IL22RA2: variants seen among roughly 807,000 people sequenced by gnomAD.
IL22RA2 encodes interleukin 22 receptor subunit alpha 2, also known as interleukin-22 receptor subunit alpha-2.
A neutral mutation model predicts 30.7 loss-of-function variants in IL22RA2; 39 were observed. The ratio of observed to expected loss-of-function variants is 1.27; its 90% confidence interval spans 0.98 to 1.66. IL22RA2 has a LOEUF of 1.66. Among genes scored for constraint, IL22RA2 ranks in the 40% most tolerant of loss-of-function variants. The pLI is 0.00. For missense variants in IL22RA2, 315 were observed against 312.7 expected (o/e 1.01, Z -0.05); for synonymous variants, 103 against 105.0 (o/e 0.98, Z 0.11).
At chr6:137,155,920 T>C (rs1354810952) in intron 4 of IL22RA2, among the ~76,000 whole-genome samples, 3 of 152,210 alleles carry the variant, frequency 2.0e-5, no homozygotes, top group African/African-American at 7.2e-5. Context: ...TGGCTGTTTG[T>C]GGTTTTTCTC....
At chr6:137,148,039 A>G in intron 5 of IL22RA2, 148 bp from the exon 6 acceptor site, 1 of 655,884 alleles carries the variant, frequency 1.5e-6, no homozygotes, top group Non-Finnish European at 2.6e-6. Flanking sequence ...ATGCCACTGC[A>G]CTATAGCTTG....
At chr6:137,153,392 A>G (rs79376102) in intron 5 of IL22RA2, among the ~76,000 whole-genome samples, 50 of 152,256 alleles carry the variant, frequency 3.3e-4, no homozygotes, top group Non-Finnish European at 6.0e-4. Context: ...CAATTGGTAA[A>G]TGCTTCACTA....
At chr6:137,155,270 C>A in intron 4 of IL22RA2, 151 bp from the exon 5 acceptor site, 1 of 550,680 alleles carries the variant, frequency 1.8e-6, no homozygotes, top group Non-Finnish European at 3.1e-6. Context: ...AAAAAAATTC[C>A]TTCTTATTAA....
In IL22RA2 at chr6:137,156,740, A is replaced by G. The variant is rs1049216319; in HGVS notation, c.293+19T>C. The G allele has an allele frequency of 6.2e-7, 1 of 1,607,594 alleles. No homozygotes were observed. Among genetic ancestry groups the G allele is most frequent in the African/African-American group, 1.3e-5 (1 of 74,860 alleles). ...CAGAACACCTGAGGCTAGGTAATTG[A>G]TAAGGAAAAGAGGTGTACTTAGCCA... On this transcript the variant is annotated intron_variant, in intron 4 of 6. Transcript: ENST00000296980.
At chr6:137,152,027 C>G (rs1300205564) in intron 5 of IL22RA2, among the ~76,000 whole-genome samples, 1 of 152,082 alleles carries the variant, frequency 6.6e-6, no homozygotes, top group Non-Finnish European at 1.5e-5. Flanking sequence ...CAATTCCACT[C>G]CTATGTATAT....
intron 1 of IL22RA2, among the ~76,000 whole-genome samples, chr6:137,171,201 AG>A (rs1778727729): frequency 6.6e-6 from 1 of 152,234 alleles, no homozygotes; most frequent in African/African-American, 2.4e-5. Flanking sequence ...CTCAGCAGCA[AG>A]GATGCAGCAG....
At chr6:137,151,660 G>A (rs927399253) in intron 5 of IL22RA2, among the ~76,000 whole-genome samples, 1 of 152,132 alleles carries the variant, frequency 6.6e-6, no homozygotes, top group Non-Finnish European at 1.5e-5. Flanking sequence ...TATCTGATAA[G>A]GCATTGGTAT....
intron 6 of IL22RA2, 31 bp from the exon 7 acceptor site, chr6:137,145,804 T>C: frequency 1.2e-6 from 2 of 1,613,104 alleles, no homozygotes; most frequent in Non-Finnish European, 8.5e-7. Context: ...AATCAGTTGG[T>C]AAATGGCTGC....
intron 1 of IL22RA2, among the ~76,000 whole-genome samples, chr6:137,165,208 C>T (rs773410291): frequency 6.6e-6 from 1 of 152,152 alleles, no homozygotes; most frequent in Non-Finnish European, 1.5e-5. Context: ...CCACCAATAT[C>T]GGAAAGGTCT....
At chr6:137,167,883 T>C (rs924704353) in intron 1 of IL22RA2, among the ~76,000 whole-genome samples, 4 of 152,156 alleles carry the variant, frequency 2.6e-5, no homozygotes, top group Non-Finnish European at 1.5e-5. Flanking sequence ...GTCACACAAA[T>C]GGAAGCTGAC....
rs780627214 is a variant in IL22RA2 at position 137,158,425 on chromosome 6, T to C, written c.119A>G (p.Asn40Ser). ...KPQRVQFQSR[N>S]FHNILQWQPG... ...CTGCCATTGCAAAATGTTGTGAAAA[T>C]TTCGGGACTGAAATTGTACCCTCTG... Residue 40 changes from asparagine (N) to serine (S), a missense_variant, in exon 3 of 7, where the codon AAT (asparagine) becomes AGT (serine). By Grantham distance (46) the Asn-to-Ser change is conservative. Coordinates refer to ENST00000296980, the MANE Select transcript of IL22RA2 (RefSeq NM_052962.3). 3 of 1,614,106 alleles carry C rather than the reference T, an allele frequency of 1.9e-6. No homozygotes were observed. The highest frequency in any genetic ancestry group is 2.5e-6 in the Non-Finnish European group (3 of 1,180,004).
At chr6:137,150,850 G>A (rs1284948979) in intron 5 of IL22RA2, among the ~76,000 whole-genome samples, 1 of 152,146 alleles carries the variant, frequency 6.6e-6, no homozygotes, top group Admixed American at 6.5e-5. Context: ...CCATGAATTA[G>A]TTTGCTCAAC....
At chr6:137,147,469 C>T (rs371769074) in intron 6 of IL22RA2, among the ~76,000 whole-genome samples, 12 of 151,974 alleles carry the variant, frequency 7.9e-5, no homozygotes, top group East Asian at 1.9e-4. Context: ...CAATTAAATA[C>T]GGTTAATACC....
Position 137,161,732 on chromosome 6 carries a change from G to A in IL22RA2, c.18C>T (p.Cys6=), listed in dbSNP as rs1395954958. Residue 6 remains cysteine, a synonymous_variant, in exon 2 of 7, where the codon TGC becomes TGT. Coordinates refer to ENST00000296980, the MANE Select transcript of IL22RA2 (RefSeq NM_052962.3). ...AGAAACTGATGAGGAAGCCTAGAAA[G>A]CAATGTTTAGGCATCATGGTTGCAA... MMPKH[C]FLGFLISFFL... 2 of 1,613,654 alleles carry A rather than the reference G, an allele frequency of 1.2e-6. No homozygotes were observed. Among genetic ancestry groups the A allele is most frequent in the African/African-American group, 1.3e-5 (1 of 75,044 alleles).
Position 137,145,611 on chromosome 6 carries a change from C to T in IL22RA2, c.*13G>A, listed in dbSNP as rs1267381258. ...TTAGAATTTCCACATTGCTGAATGC[C>T]AAATTCCACAAGTCATGGAATTTCC... On this transcript the variant is annotated 3_prime_UTR_variant, in exon 7 of 7. Coordinates refer to ENST00000296980, the MANE Select transcript of IL22RA2 (RefSeq NM_052962.3). 1 of 1,594,566 alleles carries T rather than the reference C, an allele frequency of 6.3e-7. No individual in the cohort carries two copies. Among genetic ancestry groups the T allele is most frequent in the Non-Finnish European group, 8.6e-7 (1 of 1,169,426 alleles).
chr6:137,162,313 C>A (rs1045570832), intron 1 of IL22RA2, among the ~76,000 whole-genome samples: 1 of 152,136 alleles, frequency 6.6e-6, no homozygotes, highest in Non-Finnish European at 1.5e-5. Flanking sequence ...AATTAATCTC[C>A]CTGCTATGCC....
At chr6:137,158,273 AAC>A in intron 3 of IL22RA2, 72 bp downstream of exon 3, 1 of 1,560,648 alleles carries the variant, frequency 6.4e-7, no homozygotes, top group Non-Finnish European at 8.8e-7. Context: ...CTCGGATCCT[AAC>A]ACTCCATTGC....
chr6:137,155,509 C>CAT (rs1248697684), intron 4 of IL22RA2, among the ~76,000 whole-genome samples: 98 of 149,846 alleles, frequency 6.5e-4, no homozygotes, highest in South Asian at 1.7e-3. Context: ...CATATATATA[C>CAT]ATATATATAT....
At chr6:137,150,319 G>A (rs1778262771) in intron 5 of IL22RA2, among the ~76,000 whole-genome samples, 1 of 152,038 alleles carries the variant, frequency 6.6e-6, no homozygotes, top group African/African-American at 2.4e-5. Context: ...GCGCAAGCCT[G>A]GGGGTGAGGA....
Sources: allele counts gnomAD v4.1 joint callset (sites outside exome capture counted in the v4.1 genomes callset), GRCh38; gene constraint gnomAD v4.1.1; transcripts MANE v1.5; gene names NCBI Gene and HGNC (gene_info 2026-07-23, HGNC 2026-07-21).